EFR3B: variants seen among roughly 807,000 people sequenced by gnomAD.
EFR3B encodes EFR3 homolog B.
EFR3B carries 64 observed loss-of-function variants against 104.7 expected under a neutral mutation model. That is an observed-to-expected ratio of 0.61 (90% confidence interval 0.50 to 0.75). The LOEUF (loss-of-function observed/expected upper bound fraction) is 0.75, where lower values mean the gene tolerates loss of function less well. Ranked by LOEUF, EFR3B falls within the 30% of genes least tolerant of loss-of-function variation. The pLI, the probability that EFR3B is intolerant of heterozygous loss-of-function variation, is 0.00. For missense variants in EFR3B, 750 were observed against 1,078.5 expected, an observed-to-expected ratio of 0.70 and a Z score of 4.27; for synonymous variants, 385 against 417.9, an observed-to-expected ratio of 0.92 and a Z score of 0.96.
intron 2 of EFR3B, 117 bp downstream of exon 2, chr2:25,091,518 C>T: frequency 1.1e-6 from 1 of 899,490 alleles, no homozygotes; most frequent in Non-Finnish European, 1.6e-6. Context: ...TCTCAGGGTC[C>T]CTGGGCACTG....
In EFR3B at chr2:25,145,166, C is replaced by T. The variant is rs531726878; in HGVS notation, c.2142+115C>T. Reference sequence around the variant, plus strand: ...AAGGCTGCATGGAAAGCAAGTTTCTCGAGTAATTCCACACTTGTACTGACT... The same window carrying T: ...AAGGCTGCATGGAAAGCAAGTTTCTTGAGTAATTCCACACTTGTACTGACT... On this transcript the variant is annotated intron_variant, in intron 19 of 22. Coordinates refer to ENST00000403714, the MANE Select transcript of EFR3B (RefSeq NM_014971.2). The T allele has an allele frequency of 2.3e-4, 203 of 902,212 alleles. 1 individual carries two copies. Among genetic ancestry groups the T allele is most frequent in the Non-Finnish European group, 1.6e-4 (88 of 565,856 alleles). 55.9% of individuals were successfully genotyped at this position (902,212 alleles called of 1,614,324 possible). A position where few individuals can be genotyped will look rare whatever the true frequency, so the allele number is the denominator to read the frequency against.
chr2:25,070,365 A>G (rs1668461373), intron 1 of EFR3B, among the ~76,000 whole-genome samples: 1 of 151,826 alleles, frequency 6.6e-6, no homozygotes. Context: ...GGGTTCAAGC[A>G]ATTCTCCCAC....
Position 25,091,408 on chromosome 2 carries a change from C to A in EFR3B, c.84+7C>A. ...CTTCCCTGAGGATCCCGAGGTGGGT[C>A]ATGTCTCTGGCAGGCATCGTGGCTC... On this transcript the variant is annotated splice_region_variant and intron_variant, in intron 2 of 22. Coordinates refer to ENST00000403714, the MANE Select transcript of EFR3B (RefSeq NM_014971.2). The A allele has an allele frequency of 1.3e-6, 2 of 1,547,958 alleles. No homozygotes were observed. The highest frequency in any genetic ancestry group is 2.4e-5 in the South Asian group (2 of 83,624).
chr2:25,147,872 A>G (rs1558621355), intron 19 of EFR3B: 1 of 152,004 alleles, frequency 6.6e-6, no homozygotes, highest in African/African-American at 2.4e-5. Context: ...ACTACAAAAA[A>G]TTAGCCGGGC....
chr2:25,131,899 A>G lies in EFR3B; in HGVS notation c.1135A>G (p.Ile379Val). 1 of 1,529,130 alleles carries G rather than the reference A, an allele frequency of 6.5e-7. No homozygotes were observed. The highest frequency in any genetic ancestry group is 8.8e-7 in the Non-Finnish European group (1 of 1,137,004). 94.7% of individuals were successfully genotyped at this position (1,529,130 alleles called of 1,614,324 possible). Residue 379 changes from isoleucine (I) to valine (V), a missense_variant, in exon 10 of 23, where the codon ATC (isoleucine) becomes GTC (valine). Coordinates refer to ENST00000403714, the MANE Select transcript of EFR3B (RefSeq NM_014971.2). The surrounding 1 kb of genome is among the most constrained non-coding windows in gnomAD (Gnocchi z 7.6). Reference sequence around the variant, plus strand: ...GGAGCGCATGTTCCAGGAGGCCGTCATCAAGACCGTGGGTGCGGCGCGGGG... The same window carrying G: ...GGAGCGCATGTTCCAGGAGGCCGTCGTCAAGACCGTGGGTGCGGCGCGGGG... ...HEERMFQEAV[I>V]KTVGSFASTL...
At chr2:25,148,510 C>T (rs1670897793) in intron 19 of EFR3B, among the ~76,000 whole-genome samples, 1 of 151,976 alleles carries the variant, frequency 6.6e-6, no homozygotes, top group Non-Finnish European at 1.5e-5. Flanking sequence ...CCGCCTCAGC[C>T]TCCCAAAGTG....
chr2:25,074,277 C>A (rs1668573972), intron 1 of EFR3B, among the ~76,000 whole-genome samples: 1 of 152,138 alleles, frequency 6.6e-6, no homozygotes, highest in Non-Finnish European at 1.5e-5. Context: ...TCAAAGGAAG[C>A]ATCTTTGGCT....
rs1315071234 is a variant in EFR3B, at chr2:25,131,679, G to T, written c.986-71G>T. 1.4e-6 allele frequency: 2 copies of T among 1,478,734 alleles called. No individual in the cohort carries two copies. Among genetic ancestry groups the T allele is most frequent in the South Asian group, 1.4e-5 (1 of 72,568 alleles). The allele number at this position is 1,478,734 out of a possible 1,614,324, so 91.6% of individuals were successfully genotyped here. On this transcript the variant is annotated intron_variant, in intron 9 of 22. Coordinates refer to ENST00000403714, the MANE Select transcript of EFR3B (RefSeq NM_014971.2). The surrounding 1 kb of genome is among the most constrained non-coding windows in gnomAD (Gnocchi z 7.6). ...CTGGAAGGGGGCGTGACCCTGCCCT[G>T]CCTGCGCGCGGTGCACAGAGGAGGA...
chr2:25,113,127 G>C (rs1379567649), intron 4 of EFR3B, among the ~76,000 whole-genome samples: 1 of 152,126 alleles, frequency 6.6e-6, no homozygotes, highest in Non-Finnish European at 1.5e-5. Flanking sequence ...GATCTTGAAA[G>C]GGTGGCCCTA....
rs750902882 is a variant in EFR3B, at chr2:25,129,977, G to A, written c.638G>A (p.Arg213Gln). 3 of 1,551,452 alleles carry A rather than the reference G, an allele frequency of 1.9e-6. No individual in the cohort carries two copies. Among genetic ancestry groups the A allele is most frequent in the Admixed American group, 2.0e-5 (1 of 50,998 alleles). Residue 213 changes from arginine (R) to glutamine (Q), a missense_variant and splice_region_variant, in exon 7 of 23, where the codon CGG becomes CAG. Coordinates refer to ENST00000403714, the MANE Select transcript of EFR3B (RefSeq NM_014971.2). ...NLQHVEEAES[R>Q]SPSPLQAPEK... ...CCCATGTGCCTCTGTCTCCCCAGCC[G>A]GTCTCCCTCACCCCTCCAAGCACCT...
At chr2:25,074,136 A>G (rs554207387) in intron 1 of EFR3B, among the ~76,000 whole-genome samples, 119 of 152,192 alleles carry the variant, frequency 7.8e-4, no homozygotes, top group Non-Finnish European at 1.6e-3. Context: ...TTTGTGACCA[A>G]CCTGGTGTGG....
chr2:25,136,683 G>T lies in EFR3B; in HGVS notation c.1560+85G>T. On this transcript the variant is annotated intron_variant, in intron 14 of 22. Coordinates refer to ENST00000403714, the MANE Select transcript of EFR3B (RefSeq NM_014971.2). The surrounding 1 kb of genome is among the most constrained non-coding windows in gnomAD (Gnocchi z 4.0). ...TCCCAGCACTTTGGGAGGCTGAGGC[G>T]GGCGGATAGATCACTTGAGGTGGGG... 8.4e-7 allele frequency: 1 copy of T among 1,189,608 alleles called. No individual in the cohort carries two copies. The highest frequency in any genetic ancestry group is 2.0e-5 in the Admixed American group (1 of 49,372). The allele number at this position is 1,189,608 out of a possible 1,614,324, so 73.7% of individuals were successfully genotyped here. A position where few individuals can be genotyped will look rare whatever the true frequency, so the allele number is the denominator to read the frequency against.
chr2:25,055,752 G>C lies in EFR3B; in HGVS notation c.7+13433G>C, dbSNP rs1013413096. ...CTTACAATGAAGGGATGCATTCCTA[G>C]CACCTTATAGCTGCTCACAGCGTGT... On this transcript the variant is annotated intron_variant, in intron 1 of 22. Transcript: ENST00000403714. 2.1e-5 allele frequency among the ~76,000 whole-genome samples: 3 copies of C among 143,038 alleles called. No homozygotes were observed. In the Admixed American group the frequency reaches 2.2e-4, roughly 10 times the overall value. The allele number at this position is 143,038 out of a possible 152,430, so 93.8% of individuals were successfully genotyped here.
chr2:25,112,807 A>C (rs1669756944), intron 4 of EFR3B, among the ~76,000 whole-genome samples: 1 of 152,222 alleles, frequency 6.6e-6, no homozygotes, highest in Admixed American at 6.5e-5. Context: ...GAACTGCGAG[A>C]AAGTTGGGTT....
intron 1 of EFR3B, among the ~76,000 whole-genome samples, chr2:25,075,847 C>T (rs544192190): frequency 7.9e-5 from 12 of 152,290 alleles, no homozygotes; most frequent in African/African-American, 2.2e-4. Context: ...CTGTTGTTGA[C>T]GGTCATGATG....
chr2:25,109,996 G>T (rs1036875407), intron 4 of EFR3B, among the ~76,000 whole-genome samples: 7 of 152,072 alleles, frequency 4.6e-5, no homozygotes, highest in African/African-American at 1.7e-4. Flanking sequence ...CCAGCAGGTT[G>T]GGGGGAGGGC....
chr2:25,120,172 T>C (rs1282985829), intron 4 of EFR3B, among the ~76,000 whole-genome samples: 1 of 149,758 alleles, frequency 6.7e-6, no homozygotes, highest in Non-Finnish European at 1.5e-5. Flanking sequence ...CTGATCAACA[T>C]GGTGAAACGC....
rs11416666 is a variant in EFR3B, at chr2:25,098,831, ATTTTTTTTTTT to A, written c.213-4790_213-4780del. Reference sequence around the variant, plus strand: ...ACTTTCCACTCCTGGTAAGTAGCCAATTTTTTTTTTTTTTTTTTTTTTTTTTCTGTTGCAAA... The same window carrying A: ...ACTTTCCACTCCTGGTAAGTAGCCAATTTTTTTTTTTTTTTCTGTTGCAAA... On this transcript the variant is annotated intron_variant, in intron 3 of 22. Coordinates refer to ENST00000403714, the MANE Select transcript of EFR3B (RefSeq NM_014971.2). 0.029 allele frequency among the ~76,000 whole-genome samples: 2,448 copies of A among 83,808 alleles called. 213 individuals are homozygous for A. The East Asian group carries it at 0.31, about 11-fold the overall frequency. The allele number at this position is 83,808 out of a possible 152,430, so 55.0% of individuals were successfully genotyped here.
intron 4 of EFR3B, among the ~76,000 whole-genome samples, chr2:25,116,968 T>C (rs930730528): frequency 3.3e-5 from 5 of 152,276 alleles, no homozygotes; most frequent in African/African-American, 9.6e-5. Context: ...TTTAACAGCA[T>C]AGACAGCAGG....
Sources: gnomAD v4.1 joint callset for allele counts (sites outside exome capture counted in the v4.1 genomes callset) on GRCh38, gnomAD v4.1.1 for gene constraint, Gnocchi (gnomAD v3.1) non-coding constraint, MANE v1.5 for transcripts, NCBI Gene and HGNC (gene_info 2026-07-23, HGNC 2026-07-21) for gene names.